The following NMNAT3 variants were observed in gnomAD, a reference collection of about 807,000 sequenced individuals.
The protein encoded by NMNAT3 is nicotinamide/nicotinic acid mononucleotide adenylyltransferase 3.
Under a neutral mutation model 24.8 loss-of-function variants are expected in NMNAT3, and 21 were observed. That is an observed-to-expected ratio of 0.85 (90% CI 0.60 to 1.22). The LOEUF (loss-of-function observed/expected upper bound fraction) is 1.22. NMNAT3 is among the 50% of genes most tolerant of loss of function. The pLI is 0.00. For synonymous variants in NMNAT3, 136 were observed against 155.2 expected, an observed-to-expected ratio of 0.88 and a Z score of 0.92; for missense variants, 387 against 436.6, an observed-to-expected ratio of 0.89 and a Z score of 1.01.
At chr3:139,666,452 A>C (rs2057585975) in intron 1 of NMNAT3, among the ~76,000 whole-genome samples, 1 of 152,198 alleles carries the variant, frequency 6.6e-6, no homozygotes, top group Non-Finnish European at 1.5e-5. Flanking sequence ...AAAGCCTTTT[A>C]AAAATTATTT....
intron 6 of NMNAT3, among the ~76,000 whole-genome samples, chr3:139,563,645 T>G (rs1936745229): frequency 6.6e-6 from 1 of 152,192 alleles, no homozygotes; most frequent in African/African-American, 2.4e-5. Context: ...GCCTGTTATT[T>G]CATGACGACA....
chr3:139,641,405 T>C (rs953933924), intron 1 of NMNAT3, among the ~76,000 whole-genome samples: 3 of 152,162 alleles, frequency 2.0e-5, no homozygotes, highest in Non-Finnish European at 4.4e-5. Context: ...GATCTACGAG[T>C]GTGCATGCCA....
At chr3:139,587,703 T>C (rs181177284) in intron 3 of NMNAT3, among the ~76,000 whole-genome samples, 6 of 152,368 alleles carry the variant, frequency 3.9e-5, no homozygotes, top group Admixed American at 2.6e-4. Flanking sequence ...TTGAATGTTA[T>C]AGAAAGCAAA....
intron 3 of NMNAT3, among the ~76,000 whole-genome samples, chr3:139,624,033 G>A (rs1383664620): frequency 5.3e-5 from 8 of 152,170 alleles, no homozygotes; most frequent in Admixed American, 5.2e-4. Flanking sequence ...TCAGACCACT[G>A]TCATACATAT....
intron 3 of NMNAT3, among the ~76,000 whole-genome samples, chr3:139,621,044 A>G (rs556934703): frequency 5.9e-5 from 9 of 152,116 alleles, no homozygotes; most frequent in Non-Finnish European, 1.3e-4. Flanking sequence ...CAGACTCCCA[A>G]AGTGTTGAGA....
intron 3 of NMNAT3, among the ~76,000 whole-genome samples, chr3:139,608,470 T>C (rs2055043546): frequency 6.6e-6 from 1 of 152,232 alleles, no homozygotes; most frequent in Non-Finnish European, 1.5e-5. Flanking sequence ...CTGGAAGAAG[T>C]CCAGTGAAGG....
intron 2 of NMNAT3, among the ~76,000 whole-genome samples, chr3:139,630,742 C>A (rs561594378): frequency 6.6e-6 from 1 of 152,174 alleles, no homozygotes; most frequent in African/African-American, 2.4e-5. Flanking sequence ...AGGAATACCC[C>A]CAACTGTGTG....
At chr3:139,671,511 G>C (rs1291307338) in intron 1 of NMNAT3, among the ~76,000 whole-genome samples, 1 of 152,118 alleles carries the variant, frequency 6.6e-6, no homozygotes, top group Non-Finnish European at 1.5e-5. Context: ...CAGCATTTCA[G>C]TGACACCTGA....
intron 3 of NMNAT3, among the ~76,000 whole-genome samples, chr3:139,617,369 A>G (rs2055556389): frequency 1.3e-5 from 2 of 152,190 alleles, no homozygotes; most frequent in Non-Finnish European, 2.9e-5. Flanking sequence ...CATGGTGGTT[A>G]TGTGCATGGA....
intron 1 of NMNAT3, among the ~76,000 whole-genome samples, chr3:139,670,663 C>A (rs2057728376): frequency 6.6e-6 from 1 of 152,230 alleles, no homozygotes; most frequent in Admixed American, 6.5e-5. Context: ...GCAGTACACA[C>A]ATAATATCCA....
chr3:139,597,892 G>C (rs2054549505), intron 3 of NMNAT3, among the ~76,000 whole-genome samples: 2 of 152,148 alleles, frequency 1.3e-5, no homozygotes, highest in African/African-American at 4.8e-5. Context: ...TTAAACCTCA[G>C]AATAGGAGAG....
At chr3:139,657,642 A>C (rs1219302578) in intron 1 of NMNAT3, among the ~76,000 whole-genome samples, 1 of 151,696 alleles carries the variant, frequency 6.6e-6, no homozygotes, top group Non-Finnish European at 1.5e-5. Flanking sequence ...GGATAGGCCT[A>C]TAGGTGTCTC....
chr3:139,677,552 C>A (rs2057973228), intron 1 of NMNAT3, among the ~76,000 whole-genome samples, 153 bp downstream of exon 1: 1 of 152,206 alleles, frequency 6.6e-6, no homozygotes, highest in African/African-American at 2.4e-5. Flanking sequence ...CCCCCCGGTT[C>A]GCGCCACCCC....
intron 3 of NMNAT3, among the ~76,000 whole-genome samples, chr3:139,615,367 A>G (rs946622713): frequency 3.9e-5 from 6 of 152,138 alleles, no homozygotes; most frequent in Non-Finnish European, 7.4e-5. Flanking sequence ...CTCAGCAGAC[A>G]GGGCTAAGAT....
intron 3 of NMNAT3, among the ~76,000 whole-genome samples, chr3:139,604,951 C>T (rs1248445429): frequency 2.0e-5 from 3 of 152,200 alleles, no homozygotes; most frequent in Non-Finnish European, 4.4e-5. Flanking sequence ...GCAAAATCCT[C>T]ATTAATTCAT....
intron 1 of NMNAT3, among the ~76,000 whole-genome samples, chr3:139,665,282 A>G (rs2057541086): frequency 6.6e-6 from 1 of 152,190 alleles, no homozygotes; most frequent in Non-Finnish European, 1.5e-5. Context: ...CCACTAAGAA[A>G]TGCAGTTACA....
chr3:139,571,942 T>C (rs1938438241), intron 6 of NMNAT3, among the ~76,000 whole-genome samples: 1 of 152,216 alleles, frequency 6.6e-6, no homozygotes, highest in Non-Finnish European at 1.5e-5. Context: ...TCTGCCCTAG[T>C]GGCATGGAGT....
At chr3:139,564,206 T>C (rs1936839510) in intron 6 of NMNAT3, among the ~76,000 whole-genome samples, 1 of 152,198 alleles carries the variant, frequency 6.6e-6, no homozygotes, top group Non-Finnish European at 1.5e-5. Flanking sequence ...GAGAATGCAA[T>C]GTAAATTTCC....
In NMNAT3 at chr3:139,670,020, A is replaced by C. The variant is rs549724223; in HGVS notation, c.-141+7685T>G. On this transcript the variant is annotated intron_variant, in intron 1 of 6. Coordinates refer to ENST00000643695, the MANE Select transcript of NMNAT3 (RefSeq NM_001320510.2). Reference sequence around the variant, plus strand: ...TGGTAGTCTATTCCAATTTACTAGGAAGAAATATGGTAATGTTTTTCTTAT... The same window carrying C: ...TGGTAGTCTATTCCAATTTACTAGGCAGAAATATGGTAATGTTTTTCTTAT... 6.6e-5 allele frequency among the ~76,000 whole-genome samples: 10 copies of C among 152,348 alleles called. No individual in the cohort carries two copies. In the South Asian group the frequency reaches 1.7e-3, roughly 25 times the overall value.
Sources: allele counts gnomAD v4.1 joint callset (sites outside exome capture counted in the v4.1 genomes callset), GRCh38; gene constraint gnomAD v4.1.1; transcripts MANE v1.5; gene names NCBI Gene and HGNC (gene_info 2026-07-23, HGNC 2026-07-21).